FANK1: variants seen among roughly 807,000 people sequenced by gnomAD.
FANK1 encodes the protein fibronectin type III and ankyrin repeat domains 1.
Under a neutral mutation model 45.3 loss-of-function variants are expected in FANK1, and 44 were observed. The observed-to-expected ratio is 0.97, with a 90% CI of 0.76 to 1.25. The LOEUF is 1.25. Ranked by LOEUF, FANK1 falls within the 50% of genes most tolerant of loss-of-function variation. FANK1 has a pLI of 0.00. For synonymous variants in FANK1, 149 were observed against 152.5 expected (o/e 0.98, Z 0.17); for missense variants, 391 against 424.4 (o/e 0.92, Z 0.69).
chr10:125,945,449 G>T (rs1390947495), intron 1 of FANK1, among the ~76,000 whole-genome samples: 1 of 152,352 alleles, frequency 6.6e-6, no homozygotes, highest in East Asian at 1.9e-4. Flanking sequence ...GAAGCGCAAG[G>T]GGTCAGGGAG....
At chr10:126,009,305 G>A in intron 10 of FANK1, 39 bp downstream of exon 10, 1 of 1,614,040 alleles carries the variant, frequency 6.2e-7, no homozygotes, top group East Asian at 2.2e-5. Flanking sequence ...CTAATTTTTA[G>A]TCCTTCTAGA....
intron 1 of FANK1, among the ~76,000 whole-genome samples, chr10:125,966,675 G>A (rs751026791): frequency 3.3e-5 from 5 of 152,172 alleles, no homozygotes; most frequent in African/African-American, 7.2e-5. Flanking sequence ...TAATTGAAGT[G>A]TCTCATGCTT....
intron 1 of FANK1, among the ~76,000 whole-genome samples, chr10:125,964,105 T>C (rs191510686): frequency 3.5e-3 from 529 of 152,238 alleles, no homozygotes; most frequent in Admixed American, 8.2e-3. Context: ...AAATTATTTT[T>C]CTTTCATCCT....
At chr10:125,970,165 C>T (rs554301944) in intron 1 of FANK1, among the ~76,000 whole-genome samples, 10 of 152,214 alleles carry the variant, frequency 6.6e-5, no homozygotes, top group Non-Finnish European at 1.0e-4. Flanking sequence ...GGGTGGCGGC[C>T]GGGCAGAGGG....
chr10:125,943,970 C>T (rs894224872), intron 1 of FANK1, among the ~76,000 whole-genome samples: 8 of 152,222 alleles, frequency 5.3e-5, no homozygotes, highest in Non-Finnish European at 7.3e-5. Context: ...GGAATCTTCA[C>T]GTCTTCTAAA....
intron 1 of FANK1, among the ~76,000 whole-genome samples, chr10:125,926,626 A>G (rs1947362613): frequency 6.6e-6 from 1 of 152,290 alleles, no homozygotes; most frequent in Non-Finnish European, 1.5e-5. Flanking sequence ...GATATATTTT[A>G]TCATTTTTCT....
chr10:126,004,421 T>TC (rs1253328923), intron 6 of FANK1: 1 of 153,002 alleles, frequency 6.5e-6, no homozygotes, highest in African/African-American at 2.4e-5. Context: ...TCTAAAAATG[T>TC]ATTCACAAAG....
In FANK1 at chr10:126,000,400, GA is replaced by G. The variant is rs367741415; in HGVS notation, c.539+2922del. ...AGTATGATACTGGAACAAATAATCAGAAAAAAAGTAGAATGGAATAGAAATC... is the reference window on the plus strand; with the variant it reads ...AGTATGATACTGGAACAAATAATCAGAAAAAAGTAGAATGGAATAGAAATC... On this transcript the variant is annotated intron_variant, in intron 6 of 10. Transcript: ENST00000368693. 2.2e-4 allele frequency among the ~76,000 whole-genome samples: 33 copies of G among 152,060 alleles called. No individual in the cohort carries two copies. In the East Asian group the frequency reaches 5.8e-3, roughly 27 times the overall value.
chr10:125,939,409 C>T (rs1330549928), intron 1 of FANK1, among the ~76,000 whole-genome samples: 1 of 152,086 alleles, frequency 6.6e-6, no homozygotes, highest in Non-Finnish European at 1.5e-5. Context: ...GATATACATG[C>T]TAAAGTACTT....
At position 126,004,944 on chromosome 10, in the gene FANK1, C is replaced by T. The variant is rs373311144; in HGVS notation, c.600C>T (p.Gly200=). The T allele has an allele frequency of 1.3e-5, 21 of 1,614,108 alleles. No homozygotes were observed. In the African/African-American group the frequency reaches 1.5e-4, roughly 11 times the overall value. ...LDVVKYLRRH[G]ASWQARDLGG... Reference sequence around the variant, plus strand: ...TTGTGAAATATCTCCGAAGACATGGCGCTTCTTGGCAGGCTAGAGACCTGG... The same window carrying T: ...TTGTGAAATATCTCCGAAGACATGGTGCTTCTTGGCAGGCTAGAGACCTGG... Residue 200 remains glycine, a synonymous_variant, in exon 7 of 11, where the codon GGC becomes GGT. Transcript: ENST00000368693.
intron 4 of FANK1, 105 bp downstream of exon 4, chr10:125,995,603 A>C: frequency 4.8e-6 from 5 of 1,040,778 alleles, no homozygotes; most frequent in Non-Finnish European, 7.4e-6. Context: ...CATGGCTTTG[A>C]AACTGCCTCC....
chr10:125,955,088 A>G (rs1448729365), intron 1 of FANK1, among the ~76,000 whole-genome samples: 1 of 151,588 alleles, frequency 6.6e-6, no homozygotes, highest in East Asian at 1.9e-4. Context: ...AAACACTCAT[A>G]ATGCTCAAAG....
At chr10:125,991,000 ACCTC>A (rs920181974) in intron 3 of FANK1, among the ~76,000 whole-genome samples, 1 of 152,074 alleles carries the variant, frequency 6.6e-6, no homozygotes, top group African/African-American at 2.4e-5. Flanking sequence ...TGATTCAGTT[ACCTC>A]CCACCAGGTC....
At chr10:125,936,680 C>T (rs909423818) in intron 1 of FANK1, among the ~76,000 whole-genome samples, 9 of 152,150 alleles carry the variant, frequency 5.9e-5, no homozygotes, top group Non-Finnish European at 1.2e-4. Context: ...GTTGAAGATC[C>T]TTCTTTCTCA....
chr10:125,937,482 T>C (rs559072490), intron 1 of FANK1, among the ~76,000 whole-genome samples: 13 of 152,346 alleles, frequency 8.5e-5, no homozygotes, highest in African/African-American at 3.1e-4. Context: ...ATGTTTAGAA[T>C]GTCATATTTG....
intron 1 of FANK1, among the ~76,000 whole-genome samples, chr10:125,925,354 A>G (rs1243406194): frequency 6.6e-6 from 1 of 152,234 alleles, no homozygotes; most frequent in African/African-American, 2.4e-5. Context: ...AACATTACGT[A>G]TGATATAGCT....
chr10:125,952,897 G>T (rs1398541534), intron 1 of FANK1, among the ~76,000 whole-genome samples: 1 of 151,424 alleles, frequency 6.6e-6, no homozygotes, highest in Non-Finnish European at 1.5e-5. Context: ...CTCATTAAAG[G>T]CTGGGGTGGC....
At chr10:125,970,500 A>C (rs1346940256) in intron 1 of FANK1, among the ~76,000 whole-genome samples, 2 of 152,160 alleles carry the variant, frequency 1.3e-5, no homozygotes, top group Non-Finnish European at 2.9e-5. Context: ...GGAGGTTCAC[A>C]CCACTGTACT....
Position 126,005,307 on chromosome 10 carries a change from C to CTT in FANK1, c.705+275_705+276dup, listed in dbSNP as rs35163273. Among the ~76,000 whole-genome samples, 173 of 122,262 alleles carry CTT rather than the reference C, an allele frequency of 1.4e-3. 1 individual carries two copies. Among genetic ancestry groups the CTT allele is most frequent in the African/African-American group, 4.9e-3 (163 of 33,242 alleles). 80.2% of individuals were successfully genotyped at this position (122,262 alleles called of 152,430 possible). On this transcript the variant is annotated intron_variant, in intron 7 of 10. Coordinates refer to ENST00000368693, the MANE Select transcript of FANK1 (RefSeq NM_145235.5). ...TGGACCTGATGCTTCTACTTTCTTT[C>CTT]TTTTTTTTTTTTTTTTTTGAGATGG...
Sources: gnomAD v4.1 joint callset for allele counts (sites outside exome capture counted in the v4.1 genomes callset) on GRCh38, gnomAD v4.1.1 for gene constraint, MANE v1.5 for transcripts, NCBI Gene and HGNC (gene_info 2026-07-23, HGNC 2026-07-21) for gene names.